CDH13: variants seen among roughly 807,000 people sequenced by gnomAD.
CDH13 encodes cadherin 13, also known as cadherin-13.
In CDH13, 24 loss-of-function variants were observed where a neutral mutation model predicts 63.8. The ratio of observed to expected loss-of-function variants is 0.38; its 90% CI spans 0.27 to 0.53. CDH13 has a LOEUF of 0.53. CDH13 is among the 20% of genes least tolerant of loss of function. The pLI is 0.85. For missense variants in CDH13, 1,049 were observed against 903.1 expected, an observed-to-expected ratio of 1.16 and a Z score of -2.07; for synonymous variants, 503 against 355.3, an observed-to-expected ratio of 1.42 and a Z score of -4.67.
At chr16:83,135,379 C>G (rs531142131) in intron 4 of CDH13, among the ~76,000 whole-genome samples, 1 of 152,322 alleles carries the variant, frequency 6.6e-6, no homozygotes, top group South Asian at 2.1e-4. Context: ...GCATAGCACA[C>G]TCACACAAAT....
chr16:83,787,938 A>C (rs941279185), intron 13 of CDH13, among the ~76,000 whole-genome samples: 3 of 152,202 alleles, frequency 2.0e-5, no homozygotes, highest in African/African-American at 7.2e-5. Flanking sequence ...GCAAAAAACA[A>C]CACCTGCAGA....
At chr16:83,028,909 T>C (rs1336900563) in intron 2 of CDH13, among the ~76,000 whole-genome samples, 1 of 152,180 alleles carries the variant, frequency 6.6e-6, no homozygotes, top group African/African-American at 2.4e-5. Flanking sequence ...ATTGTCTTTA[T>C]TGAAAATGTG....
chr16:83,671,138 T>C (rs1055745661), intron 9 of CDH13, among the ~76,000 whole-genome samples, 166 bp downstream of exon 9: 6 of 152,214 alleles, frequency 3.9e-5, no homozygotes, highest in African/African-American at 1.4e-4. Flanking sequence ...TGCACTCGTA[T>C]CCTCAGCAGC....
At chr16:83,255,003 C>A (rs1367110469) in intron 5 of CDH13, among the ~76,000 whole-genome samples, 2 of 35,178 alleles carry the variant, frequency 5.7e-5, no homozygotes, top group African/African-American at 1.3e-4. Flanking sequence ...TTCTTTCTTT[C>A]TTTCTTTCTT....
intron 8 of CDH13, among the ~76,000 whole-genome samples, chr16:83,626,289 G>A (rs1461532639): frequency 1.3e-5 from 2 of 152,294 alleles, no homozygotes; most frequent in Middle Eastern, 3.4e-3. Context: ...AGGAATGCAG[G>A]AAAGCACCAG....
intron 3 of CDH13, among the ~76,000 whole-genome samples, chr16:83,080,077 C>T (rs890753876): frequency 8.5e-5 from 13 of 152,104 alleles, no homozygotes; most frequent in South Asian, 2.1e-4. Flanking sequence ...ATTAGGATCC[C>T]GACAGCAATC....
At chr16:83,693,630 G>A (rs1448665510) in intron 10 of CDH13, among the ~76,000 whole-genome samples, 1 of 152,232 alleles carries the variant, frequency 6.6e-6, no homozygotes, top group African/African-American at 2.4e-5. Context: ...AGCACTCAGA[G>A]ATGACAGTGC....
intron 1 of CDH13, among the ~76,000 whole-genome samples, chr16:82,839,440 G>C (rs1416139269): frequency 6.6e-6 from 1 of 152,164 alleles, no homozygotes; most frequent in Non-Finnish European, 1.5e-5. Flanking sequence ...CTGGGATTAA[G>C]ATACCTGGCA....
intron 1 of CDH13, chr16:82,719,245 C>G (rs538563534): frequency 2.8e-6 from 1 of 359,738 alleles, no homozygotes; most frequent in Non-Finnish European, 5.6e-6. Context: ...CCTCACATCA[C>G]TGCCATTGGC....
rs181171742 is a variant in CDH13 at position 83,540,595 on chromosome 16, G to A, written c.960+53940G>A. ...TTTTGTCTTAAGTTTCCATTTCTAC[G>A]TTTGTCCCTTTGTTCAGTCTCGTAA... On this transcript the variant is annotated intron_variant, in intron 7 of 13. Transcript: ENST00000567109. Among the ~76,000 whole-genome samples the A allele has an allele frequency of 4.2e-3, 636 of 152,158 alleles. 1 individual carries two copies. Among genetic ancestry groups the A allele is most frequent in the Non-Finnish European group, 7.1e-3 (486 of 68,014 alleles).
intron 9 of CDH13, among the ~76,000 whole-genome samples, chr16:83,672,409 C>CTTTT (rs34156503): frequency 0.036 from 1,253 of 35,134 alleles, 358 homozygotes; most frequent in Middle Eastern, 0.14. Flanking sequence ...TCTGGATTCT[C>CTTTT]TTTTTTTTTT....
At chr16:83,706,334 A>C (rs1036608429) in intron 10 of CDH13, among the ~76,000 whole-genome samples, 1 of 152,048 alleles carries the variant, frequency 6.6e-6, no homozygotes, top group African/African-American at 2.4e-5. Context: ...CTTCTATTGC[A>C]CTCATTCATG....
At chr16:82,770,955 T>TC (rs1567516613) in intron 1 of CDH13, among the ~76,000 whole-genome samples, 1 of 151,928 alleles carries the variant, frequency 6.6e-6, no homozygotes, top group South Asian at 2.1e-4. Context: ...GCTCAGGCAA[T>TC]CCCCCCGCTT....
intron 1 of CDH13, among the ~76,000 whole-genome samples, chr16:82,772,628 T>C (rs925216830): frequency 1.3e-5 from 2 of 152,238 alleles, no homozygotes; most frequent in Non-Finnish European, 2.9e-5. Flanking sequence ...GGCACTGAGC[T>C]AGATGCTTTA....
At chr16:83,075,750 G>C (rs2032790096) in intron 3 of CDH13, among the ~76,000 whole-genome samples, 2 of 152,296 alleles carry the variant, frequency 1.3e-5, no homozygotes, top group African/African-American at 4.8e-5. Flanking sequence ...GGAATACTTT[G>C]ACTTGTGCTT....
intron 7 of CDH13, among the ~76,000 whole-genome samples, chr16:83,507,332 G>C (rs138901105): frequency 6.6e-6 from 1 of 152,234 alleles, no homozygotes; most frequent in Admixed American, 6.5e-5. Context: ...GTTATTAATA[G>C]AGGCTCAGAA....
intron 5 of CDH13, among the ~76,000 whole-genome samples, chr16:83,267,651 C>T (rs866110072): frequency 1.2e-4 from 18 of 152,188 alleles, no homozygotes; most frequent in African/African-American, 4.1e-4. Context: ...CCCCCTTCCC[C>T]TTGCAAGCTC....
intron 5 of CDH13, among the ~76,000 whole-genome samples, chr16:83,274,044 C>G (rs1475986433): frequency 6.6e-6 from 1 of 152,190 alleles, no homozygotes; most frequent in Non-Finnish European, 1.5e-5. Flanking sequence ...AAGCTCTCTT[C>G]CAGCCTGCAC....
intron 6 of CDH13, among the ~76,000 whole-genome samples, chr16:83,480,390 T>C (rs1425896334): frequency 6.6e-6 from 1 of 152,160 alleles, no homozygotes; most frequent in Admixed American, 6.5e-5. Flanking sequence ...TAAAAATAGA[T>C]AGCCCAGGTC....
Sources: allele counts gnomAD v4.1 joint callset (sites outside exome capture counted in the v4.1 genomes callset), GRCh38; gene constraint gnomAD v4.1.1; transcripts MANE v1.5; gene names NCBI Gene and HGNC (gene_info 2026-07-23, HGNC 2026-07-21).